Variants in UBE2G1 observed in about 807,000 individuals in gnomAD.
UBE2G1 encodes the protein ubiquitin-conjugating enzyme E2 G1.
UBE2G1 carries 5 observed loss-of-function variants against 22.7 expected under a neutral mutation model. That is an observed-to-expected ratio of 0.22 (90% CI 0.12 to 0.46). The LOEUF is 0.46. UBE2G1 is among the 20% of genes least tolerant of loss of function. UBE2G1 has a pLI of 0.99. For synonymous variants in UBE2G1, 74 were observed against 67.5 expected (o/e 1.10, Z -0.47); for missense variants, 88 against 203.9 (o/e 0.43, Z 3.46).
At chr17:4,293,302 G>C (rs1355275350) in intron 3 of UBE2G1, among the ~76,000 whole-genome samples, 2 of 152,122 alleles carry the variant, frequency 1.3e-5, no homozygotes, top group African/African-American at 4.8e-5. Flanking sequence ...CTATGTTGTA[G>C]CAAGTATCAC....
At chr17:4,306,227 G>A (rs548112056) in intron 2 of UBE2G1, among the ~76,000 whole-genome samples, 2 of 152,302 alleles carry the variant, frequency 1.3e-5, no homozygotes, top group Non-Finnish European at 2.9e-5. Flanking sequence ...ACACTGATGT[G>A]TGTAATACAT....
At chr17:4,327,162 G>C (rs190193938) in intron 1 of UBE2G1, among the ~76,000 whole-genome samples, 1 of 151,100 alleles carries the variant, frequency 6.6e-6, no homozygotes, top group Non-Finnish European at 1.5e-5. Flanking sequence ...AGGCATGGTG[G>C]CTCATGCCTG....
At chr17:4,330,786 G>T (rs1969565920) in intron 1 of UBE2G1, among the ~76,000 whole-genome samples, 1 of 151,526 alleles carries the variant, frequency 6.6e-6, no homozygotes. Context: ...TAGAGACGGG[G>T]TTTCACCATG....
chr17:4,296,877 T>A, intron 2 of UBE2G1, 63 bp from the exon 3 acceptor site: 1 of 1,406,836 alleles, frequency 7.1e-7, no homozygotes, highest in Non-Finnish European at 9.9e-7. Context: ...ATAGAAGTGT[T>A]AAAACAAATA....
At chr17:4,280,632 G>A (rs531418369) in intron 5 of UBE2G1, among the ~76,000 whole-genome samples, 14 of 150,276 alleles carry the variant, frequency 9.3e-5, no homozygotes, top group African/African-American at 2.7e-4. Context: ...CACCATGCCC[G>A]GCTGGGAATC....
intron 1 of UBE2G1, among the ~76,000 whole-genome samples, chr17:4,326,684 A>T (rs1020845195): frequency 2.6e-5 from 4 of 152,340 alleles, no homozygotes; most frequent in African/African-American, 9.6e-5. Context: ...AAACAACCCA[A>T]TTGTCAACCA....
intron 2 of UBE2G1, among the ~76,000 whole-genome samples, chr17:4,300,896 G>A (rs147515925): frequency 8.7e-4 from 131 of 151,420 alleles, no homozygotes; most frequent in African/African-American, 2.9e-3. Flanking sequence ...CCCAGGCGGC[G>A]GAGGTTGCAG....
At chr17:4,343,498 C>G (rs1567528068) in intron 1 of UBE2G1, among the ~76,000 whole-genome samples, 1 of 151,976 alleles carries the variant, frequency 6.6e-6, no homozygotes, top group Non-Finnish European at 1.5e-5. Flanking sequence ...GAGTGAGACT[C>G]CATCTCAAAA....
intron 4 of UBE2G1, among the ~76,000 whole-genome samples, chr17:4,285,933 G>C (rs1220752348): frequency 1.4e-5 from 2 of 146,976 alleles, no homozygotes; most frequent in Admixed American, 6.8e-5. Flanking sequence ...CCTGGCGACA[G>C]AGCGAGACTA....
At chr17:4,307,916 A>G (rs961014775) in intron 1 of UBE2G1, among the ~76,000 whole-genome samples, 4 of 152,194 alleles carry the variant, frequency 2.6e-5, no homozygotes, top group Non-Finnish European at 4.4e-5. Flanking sequence ...GGAGCAGGTG[A>G]GCAGCGGTAC....
At chr17:4,297,460 C>G (rs1969125497) in intron 2 of UBE2G1, among the ~76,000 whole-genome samples, 1 of 152,144 alleles carries the variant, frequency 6.6e-6, no homozygotes, top group Non-Finnish European at 1.5e-5. Flanking sequence ...TAGCCACCAA[C>G]CACTTGAAAT....
chr17:4,366,200 G>A (rs1176571928), intron 1 of UBE2G1, 71 bp downstream of exon 1: 9 of 1,454,184 alleles, frequency 6.2e-6, no homozygotes, highest in African/African-American at 5.9e-5. Flanking sequence ...GGCCCGGGAG[G>A]AGAAGAGGGA....
chr17:4,333,344 T>C (rs567939427), intron 1 of UBE2G1, among the ~76,000 whole-genome samples: 52 of 152,222 alleles, frequency 3.4e-4, no homozygotes, highest in Non-Finnish European at 5.4e-4. Flanking sequence ...GAAAAAAACT[T>C]ACGGGCGAAG....
intron 1 of UBE2G1, among the ~76,000 whole-genome samples, chr17:4,317,147 TAA>T (rs916615604): frequency 6.6e-6 from 1 of 151,820 alleles, no homozygotes; most frequent in Admixed American, 6.6e-5. Context: ...GTCAGGAGTT[TAA>T]GACAAGCCTG....
chr17:4,312,299 A>G (rs916096053), intron 1 of UBE2G1, among the ~76,000 whole-genome samples: 13 of 152,124 alleles, frequency 8.5e-5, no homozygotes, highest in Admixed American at 5.9e-4. Flanking sequence ...AATATGGCTG[A>G]TCACTGAGGT....
intron 1 of UBE2G1, among the ~76,000 whole-genome samples, chr17:4,352,600 T>C (rs1219948166): frequency 2.0e-5 from 3 of 152,216 alleles, no homozygotes; most frequent in Non-Finnish European, 2.9e-5. Flanking sequence ...TGTTAATTTT[T>C]GTAGTAATTT....
At chr17:4,336,605 C>G (rs1355249133) in intron 1 of UBE2G1, among the ~76,000 whole-genome samples, 1 of 152,072 alleles carries the variant, frequency 6.6e-6, no homozygotes, top group African/African-American at 2.4e-5. Context: ...AGGCTCACTG[C>G]AACCTCCACC....
intron 1 of UBE2G1, among the ~76,000 whole-genome samples, chr17:4,350,728 C>T (rs1210623389): frequency 6.6e-6 from 1 of 151,904 alleles, no homozygotes; most frequent in African/African-American, 2.4e-5. Context: ...TGTTTGAATC[C>T]AGCTCATTTA....
Position 4,327,448 on chromosome 17 carries a change from G to A in UBE2G1, c.47-20325C>T, listed in dbSNP as rs577885994. Among the ~76,000 whole-genome samples, 5 of 152,198 alleles carry A rather than the reference G, an allele frequency of 3.3e-5. No homozygotes were observed. The South Asian group carries it at 1.0e-3, about 32-fold the overall frequency. Reference sequence around the variant, plus strand: ...GATCACACCACTGCACCCCAGCCTGGGCAACAGAGCGAGACTGTCACAAAT... The same window carrying A: ...GATCACACCACTGCACCCCAGCCTGAGCAACAGAGCGAGACTGTCACAAAT... On this transcript the variant is annotated intron_variant, in intron 1 of 5. Coordinates refer to ENST00000396981, the MANE Select transcript of UBE2G1 (RefSeq NM_003342.5).
Sources: gnomAD v4.1 joint callset for allele counts (sites outside exome capture counted in the v4.1 genomes callset) on GRCh38, gnomAD v4.1.1 for gene constraint, MANE v1.5 for transcripts, NCBI Gene and HGNC (gene_info 2026-07-23, HGNC 2026-07-21) for gene names.